HOXC6: variants seen among roughly 807,000 people sequenced by gnomAD.
HOXC6 encodes the protein homeobox C6, also known as homeobox protein Hox-C6.
Under a neutral mutation model 24.0 loss-of-function variants are expected in HOXC6, and 10 were observed. The observed-to-expected ratio is 0.42, with a 90% CI of 0.26 to 0.71. The LOEUF (loss-of-function observed/expected upper bound fraction) is 0.71, where lower values mean the gene tolerates loss of function less well. Among genes scored for constraint, HOXC6 ranks in the 30% least tolerant of loss-of-function variants. The pLI is 0.28. For missense variants in HOXC6, 258 were observed against 303.4 expected, an observed-to-expected ratio of 0.85 and a Z score of 1.11; for synonymous variants, 123 against 128.1, an observed-to-expected ratio of 0.96 and a Z score of 0.27.
At chr12:54,019,061 C>A (rs1312976983) in intron 1 of HOXC6, among the ~76,000 whole-genome samples, 1 of 151,466 alleles carries the variant, frequency 6.6e-6, no homozygotes, top group African/African-American at 2.4e-5. Context: ...CCCCTCCCCC[C>A]ACAACCCCCT....
At chr12:54,027,480 C>T (rs566479261), upstream of HOXC6, among the ~76,000 whole-genome samples, 6 of 152,350 alleles carry the variant, frequency 3.9e-5, no homozygotes, top group East Asian at 9.6e-4. Context: ...CAGGCCCTCA[C>T]TGGCTCCAAA....
chr12:54,019,002 T>C (rs915246055), intron 1 of HOXC6, among the ~76,000 whole-genome samples: 9 of 152,268 alleles, frequency 5.9e-5, no homozygotes, highest in Admixed American at 4.6e-4. Flanking sequence ...AAATACAGTT[T>C]GCATTCAGAT....
In HOXC6 at chr12:54,029,896, C is replaced by CTG. The variant is rs1281468647; in HGVS notation, c.642_643insTG (p.Ala215TrpfsTer55). On this transcript the variant is annotated frameshift_variant, in exon 2 of 2. Transcript: ENST00000243108. LOFTEE classifies it high-confidence loss of function. ...TCTCGGGGGGCGGCGGAGGGGCCACCGCCGACAGCCTGGGCGGAAAAGAGG... is the reference window on the plus strand; with the variant it reads ...TCTCGGGGGGCGGCGGAGGGGCCACCTGGCCGACAGCCTGGGCGGAAAAGAGG... The CTG allele has an allele frequency of 6.2e-7, 1 of 1,601,476 alleles. No individual in the cohort carries two copies. The highest frequency in any genetic ancestry group is 1.4e-5 in the African/African-American group (1 of 71,488).
upstream of HOXC6, among the ~76,000 whole-genome samples, chr12:54,027,109 G>A (rs191381101): frequency 4.6e-5 from 7 of 152,312 alleles, no homozygotes; most frequent in African/African-American, 1.7e-4. Context: ...CACACTTTCC[G>A]CTGTTTCAGT....
intron 1 of HOXC6, chr12:54,020,575 G>C (rs144577446): frequency 1.1e-4 from 16 of 152,230 alleles, no homozygotes; most frequent in African/African-American, 2.4e-4. Context: ...ACAGACTCAG[G>C]CTTATGCATG....
intron 1 of HOXC6, among the ~76,000 whole-genome samples, chr12:54,023,274 C>T (rs1388194004): frequency 6.6e-6 from 1 of 152,082 alleles, no homozygotes; most frequent in African/African-American, 2.4e-5. Flanking sequence ...ATGTTTGGGA[C>T]CTATTTTACG....
At position 54,030,500 on chromosome 12, in the gene HOXC6, G is replaced by A. The variant is rs529935955; in HGVS notation, c.*538G>A. On this transcript the variant is annotated 3_prime_UTR_variant, in exon 2 of 2. Coordinates refer to ENST00000243108, the MANE Select transcript of HOXC6 (RefSeq NM_004503.4). ...TCTGCCCCAGCAAATGCCCAGCCCAGGCAAATTGTATTTAAAGAATCCTGG... is the reference window on the plus strand; with the variant it reads ...TCTGCCCCAGCAAATGCCCAGCCCAAGCAAATTGTATTTAAAGAATCCTGG... 1 of 152,886 alleles carries A rather than the reference G, an allele frequency of 6.5e-6. No individual in the cohort carries two copies. Among genetic ancestry groups the A allele is most frequent in the South Asian group, 2.1e-4 (1 of 4,832 alleles). 9.5% of individuals were successfully genotyped at this position (152,886 alleles called of 1,614,324 possible). A position where few individuals can be genotyped will look rare whatever the true frequency, so the allele number is the denominator to read the frequency against.
intron 1 of HOXC6, chr12:54,020,928 T>C (rs1940405634): frequency 6.6e-6 from 1 of 152,232 alleles, no homozygotes; most frequent in South Asian, 2.1e-4. Context: ...TTAGAAATTA[T>C]TTTACAAGGG....
intron 1 of HOXC6, chr12:54,020,428 C>A (rs1940383844): frequency 6.6e-6 from 1 of 152,186 alleles, no homozygotes; most frequent in Non-Finnish European, 1.5e-5. Context: ...CAGAGCAAAC[C>A]CTTTCTCACC....
intron 1 of HOXC6, among the ~76,000 whole-genome samples, chr12:54,022,960 C>T (rs953470603): frequency 3.3e-5 from 5 of 152,198 alleles, no homozygotes; most frequent in African/African-American, 1.2e-4. Context: ...ATGTGACATC[C>T]TCTTGAGGCC....
intron 1 of HOXC6, among the ~76,000 whole-genome samples, chr12:54,019,751 C>T (rs1940345196): frequency 6.6e-6 from 1 of 152,106 alleles, no homozygotes; most frequent in South Asian, 2.1e-4. Flanking sequence ...GTACCCACAG[C>T]GAGATTTGGA....
upstream of HOXC6, among the ~76,000 whole-genome samples, chr12:54,027,974 G>C (rs1473098017): frequency 6.6e-6 from 1 of 152,148 alleles, no homozygotes; most frequent in Non-Finnish European, 1.5e-5. Context: ...TGTCAAAACA[G>C]GATTTCCTGC....
chr12:54,030,113 C>T lies in HOXC6; in HGVS notation c.*151C>T. 2.8e-6 allele frequency: 2 copies of T among 719,620 alleles called. No individual in the cohort carries two copies. Among genetic ancestry groups the T allele is most frequent in the Non-Finnish European group, 2.2e-6 (1 of 448,946 alleles). 44.6% of individuals were successfully genotyped at this position (719,620 alleles called of 1,614,324 possible). A position where few individuals can be genotyped will look rare whatever the true frequency, so the allele number is the denominator to read the frequency against. ...GGGAGTCAAACGTGGACCTGAAAGT[C>T]AGCTCTGGACCCCCTCCCTCACCGC... On this transcript the variant is annotated 3_prime_UTR_variant, in exon 2 of 2. Coordinates refer to ENST00000243108, the MANE Select transcript of HOXC6 (RefSeq NM_004503.4).
At chr12:54,020,804 G>C (rs1940400338) in intron 1 of HOXC6, 1 of 152,146 alleles carries the variant, frequency 6.6e-6, no homozygotes, top group Non-Finnish European at 1.5e-5. Context: ...GTAACCAATG[G>C]ATGCCATAAA....
rs554574256 is a variant in HOXC6 at position 54,028,469 on chromosome 12, A to C, written c.-53A>C. The C allele has an allele frequency of 6.4e-7, 1 of 1,559,806 alleles. No homozygotes were observed. Among genetic ancestry groups the C allele is most frequent in the East Asian group, 2.2e-5 (1 of 44,458 alleles). On this transcript the variant is annotated 5_prime_UTR_variant, in exon 1 of 2. Coordinates refer to ENST00000243108, the MANE Select transcript of HOXC6 (RefSeq NM_004503.4). ...CCATCTAGTTCCGAGTACAAACTGG[A>C]GACAGAAATAAATATTAAAGAAATC... is the stretch of plus-strand genomic sequence containing the variant.
exon 1 of HOXC6, chr12:54,017,086 T>G (rs1209235273): frequency 6.6e-6 from 1 of 151,996 alleles, no homozygotes; most frequent in Non-Finnish European, 1.5e-5. Context: ...GAGACAGAAG[T>G]TGAGGGCATC....
At chr12:54,024,552 C>G (rs916704568), upstream of HOXC6, among the ~76,000 whole-genome samples, 5 of 152,214 alleles carry the variant, frequency 3.3e-5, no homozygotes, top group Admixed American at 6.5e-5. Context: ...TCTCATCCCT[C>G]TCACTTCAAA....
chr12:54,021,626 ACC>A (rs1210025439), intron 1 of HOXC6: 1 of 152,244 alleles, frequency 6.6e-6, no homozygotes, highest in Non-Finnish European at 1.5e-5. Flanking sequence ...GACAGGCTGC[ACC>A]AAGAGGTGTG....
chr12:54,018,032 G>C (rs1004251803), intron 1 of HOXC6, among the ~76,000 whole-genome samples: 1 of 152,192 alleles, frequency 6.6e-6, no homozygotes, highest in African/African-American at 2.4e-5. Flanking sequence ...TTGGCAATTA[G>C]GGGGGAGGCT....
Sources: allele counts gnomAD v4.1 joint callset (sites outside exome capture counted in the v4.1 genomes callset), GRCh38; gene constraint gnomAD v4.1.1; transcripts MANE v1.5; gene names NCBI Gene and HGNC (gene_info 2026-07-23, HGNC 2026-07-21).